Variants in UBR1 observed in about 807,000 individuals in gnomAD.
UBR1 encodes ubiquitin protein ligase E3 component n-recognin 1.
In UBR1, 102 loss-of-function variants were observed where a neutral mutation model predicts 242.1. That is an observed-to-expected ratio of 0.42 (90% CI 0.36 to 0.50). The LOEUF is 0.50. Among genes scored for constraint, UBR1 ranks in the 20% least tolerant of loss-of-function variants. UBR1 has a pLI of 0.01. For synonymous variants in UBR1, 675 were observed against 684.8 expected, an observed-to-expected ratio of 0.99 and a Z score of 0.22; for missense variants, 1,772 against 2,101.8, an observed-to-expected ratio of 0.84 and a Z score of 3.07.
intron 35 of UBR1, among the ~76,000 whole-genome samples, chr15:42,986,189 C>T (rs1184869202): frequency 1.3e-5 from 2 of 151,838 alleles, no homozygotes; most frequent in African/African-American, 4.8e-5. Flanking sequence ...TGTTTTGATT[C>T]CTCAACTATT....
rs545826909 is a variant in UBR1, at chr15:43,015,763, A to G, written c.3134T>C (p.Ile1045Thr). 3.1e-5 allele frequency: 50 copies of G among 1,614,150 alleles called. No individual in the cohort carries two copies. Among genetic ancestry groups the G allele is most frequent in the East Asian group, 6.7e-5 (3 of 44,876 alleles). ...GTCATACATGAGTTTATGAGTTTCA[A>G]TGAAGTTTTTCTGTAAGGCAGACAT... ...AQMSALQKNF[I>T]ETHKLMYDNT... is the part of the protein sequence containing the mutation. Residue 1045 changes from isoleucine (I) to threonine (T), a missense_variant, in exon 29 of 47, where the codon ATT becomes ACT. Physicochemically the swap from Ile to Thr is moderately conservative, Grantham distance 89. Coordinates refer to ENST00000290650, the MANE Select transcript of UBR1 (RefSeq NM_174916.3).
intron 2 of UBR1, among the ~76,000 whole-genome samples, chr15:43,083,894 A>G (rs2034002156): frequency 6.6e-6 from 1 of 151,852 alleles, no homozygotes; most frequent in Non-Finnish European, 1.5e-5. Flanking sequence ...AATACAAAAA[A>G]TTAGCCAGGC....
intron 6 of UBR1, among the ~76,000 whole-genome samples, chr15:43,064,664 C>A (rs1409717541): frequency 6.6e-6 from 1 of 151,774 alleles, no homozygotes; most frequent in African/African-American, 2.4e-5. Flanking sequence ...GCAACCTCCA[C>A]CTCCCAGGTT....
At chr15:43,061,048 T>C (rs1567140191) in intron 6 of UBR1, among the ~76,000 whole-genome samples, 1 of 152,012 alleles carries the variant, frequency 6.6e-6, no homozygotes, top group Non-Finnish European at 1.5e-5. Flanking sequence ...TGTATGTATG[T>C]GATGCTGGCA....
chr15:43,018,767 TAAA>T (rs2033064023), intron 27 of UBR1, among the ~76,000 whole-genome samples: 1 of 152,206 alleles, frequency 6.6e-6, no homozygotes, highest in African/African-American at 2.4e-5. Flanking sequence ...AACATAGCTT[TAAA>T]TCAACCATCT....
chr15:43,079,494 G>T (rs913505912), intron 3 of UBR1, among the ~76,000 whole-genome samples: 44 of 152,106 alleles, frequency 2.9e-4, no homozygotes, highest in African/African-American at 9.4e-4. Context: ...AAAGTCCTGA[G>T]GGTGGCCAGG....
chr15:43,100,823 A>C (rs1336054764), intron 1 of UBR1, among the ~76,000 whole-genome samples: 3 of 151,988 alleles, frequency 2.0e-5, no homozygotes, highest in Non-Finnish European at 4.4e-5. Flanking sequence ...ACAGAGCGAG[A>C]CTCCGTCTCA....
Position 42,968,488 on chromosome 15 carries a change from G to C in UBR1, c.4457+2032C>G, listed in dbSNP as rs982730669. Among the ~76,000 whole-genome samples, 5 of 151,546 alleles carry C rather than the reference G, an allele frequency of 3.3e-5. No homozygotes were observed. In the East Asian group the frequency reaches 9.7e-4, roughly 29 times the overall value. ...AATCCTCCTGCCTTGGCCTCTAAAA[G>C]TGTTCGGATTACAGGCATGAACCAT... On this transcript the variant is annotated intron_variant, in intron 40 of 46. Transcript: ENST00000290650.
At chr15:42,970,689 A>G in intron 39 of UBR1, 82 bp from the exon 40 acceptor site, 2 of 1,291,706 alleles carry the variant, frequency 1.5e-6, no homozygotes, top group South Asian at 2.4e-5. Flanking sequence ...GTTCCAAGAC[A>G]ATAAACAACG....
At chr15:42,992,748 C>T (rs2032575453) in intron 33 of UBR1, among the ~76,000 whole-genome samples, 1 of 152,202 alleles carries the variant, frequency 6.6e-6, no homozygotes, top group African/African-American at 2.4e-5. Flanking sequence ...CTTTCTAGCT[C>T]CAAAGGGCCC....
chr15:42,952,237 C>G, intron 45 of UBR1, 41 bp downstream of exon 45: 1 of 1,613,854 alleles, frequency 6.2e-7, no homozygotes, highest in South Asian at 1.1e-5. Flanking sequence ...ATCCAGATTC[C>G]TTAAGTTCAT....
At position 42,988,875 on chromosome 15, in the gene UBR1, T is replaced by A. The variant is rs778476475; in HGVS notation, c.3941A>T (p.Asp1314Val). The A allele has an allele frequency of 8.1e-6, 13 of 1,614,220 alleles. No homozygotes were observed. The highest frequency in any genetic ancestry group is 1.1e-5 in the Non-Finnish European group (13 of 1,180,038). ...CCAGGTCAGCATGGGGACTCGAGGA[T>A]CCCTTTCATCAGGTGGCACTTTCAA... ...IGLKVPPDER[D>V]PRVPMLTWST... Residue 1314 changes from aspartate (D) to valine (V), a missense_variant, in exon 35 of 47, where the codon GAT (aspartate) becomes GTT (valine). Asp to Val is a radical substitution (Grantham distance 152). Around this residue, in one of 3 missense-constraint regions of UBR1, gnomAD observed 965 missense variants for 1,079.7 expected, o/e 0.89. Transcript: ENST00000290650.
intron 27 of UBR1, among the ~76,000 whole-genome samples, 171 bp from the exon 28 acceptor site, chr15:43,017,352 G>C (rs903647725): frequency 6.6e-6 from 1 of 152,134 alleles, no homozygotes; most frequent in African/African-American, 2.4e-5. Flanking sequence ...CGCCTCCCCT[G>C]GTCAATGAGC....
At position 43,032,561 on chromosome 15, in the gene UBR1, A is replaced by G. The variant is rs1262834881; in HGVS notation, c.2254+7T>C. On this transcript the variant is annotated splice_region_variant and intron_variant, in intron 20 of 46. Coordinates refer to ENST00000290650, the MANE Select transcript of UBR1 (RefSeq NM_174916.3). ...TTCTATTTCAAAACATTGTGTTTTA[A>G]TCTTACCCACAATATAGATGAGGAC... 3 of 1,522,544 alleles carry G rather than the reference A, an allele frequency of 2.0e-6. No individual in the cohort carries two copies. The highest frequency in any genetic ancestry group is 2.7e-6 in the Non-Finnish European group (3 of 1,102,466). The allele number at this position is 1,522,544 out of a possible 1,614,324, so 94.3% of individuals were successfully genotyped here.
rs201226610 is a variant in UBR1, at chr15:42,975,891, A to AT, written c.4369+825dup. Among the ~76,000 whole-genome samples the AT allele has an allele frequency of 3.5e-3, 533 of 152,036 alleles. 2 individuals carry two copies. Among genetic ancestry groups the AT allele is most frequent in the African/African-American group, 0.012 (508 of 41,472 alleles). On this transcript the variant is annotated intron_variant, in intron 39 of 46. Coordinates refer to ENST00000290650, the MANE Select transcript of UBR1 (RefSeq NM_174916.3). ...AGCATGCCCAGCTAATTAAAAAAAA[A>AT]TTTTTTTGTAGAGATAGGGTCTCAC...
chr15:43,105,855 C>A (rs1232230475), intron 1 of UBR1, 87 bp downstream of exon 1: 2 of 1,324,900 alleles, frequency 1.5e-6, no homozygotes. Flanking sequence ...CCCAGAGCCG[C>A]CATAAGGGGT....
rs188917993 is a variant in UBR1 at position 43,085,753 on chromosome 15, G to A, written c.338+231C>T. Among the ~76,000 whole-genome samples the A allele has an allele frequency of 3.9e-4, 59 of 150,772 alleles. 1 individual carries two copies. In the South Asian group the frequency reaches 0.011, roughly 27 times the overall value. Reference sequence around the variant, plus strand: ...ATGAAAATTAGCCAGGCATGGTGGCGGGTGCCTGTAATCCCAGCCAGACGT... The same window carrying A: ...ATGAAAATTAGCCAGGCATGGTGGCAGGTGCCTGTAATCCCAGCCAGACGT... On this transcript the variant is annotated intron_variant, in intron 2 of 46. Transcript: ENST00000290650.
At chr15:43,089,718 C>T (rs896677919) in intron 1 of UBR1, among the ~76,000 whole-genome samples, 3 of 152,182 alleles carry the variant, frequency 2.0e-5, no homozygotes, top group African/African-American at 7.2e-5. Context: ...GGACTACAGG[C>T]TCATGCCACA....
chr15:43,056,682 A>C (rs2033623496), intron 10 of UBR1, among the ~76,000 whole-genome samples: 1 of 152,218 alleles, frequency 6.6e-6, no homozygotes, highest in Non-Finnish European at 1.5e-5. Flanking sequence ...AACTATTAAA[A>C]TATACACATA....
Sources: allele counts gnomAD v4.1 joint callset (sites outside exome capture counted in the v4.1 genomes callset), GRCh38; gene constraint gnomAD v4.1.1; regional missense constraint gnomAD v4.1.1; transcripts MANE v1.5; gene names NCBI Gene and HGNC (gene_info 2026-07-23, HGNC 2026-07-21).